Variants in NDUFAF7 observed in about 807,000 individuals in gnomAD.
The protein encoded by NDUFAF7 is NADH:ubiquinone oxidoreductase complex assembly factor 7, also known as protein arginine methyltransferase NDUFAF7, mitochondrial.
A neutral mutation model predicts 47.2 loss-of-function variants in NDUFAF7; 48 were observed. That is an observed-to-expected ratio of 1.02 (90% CI 0.81 to 1.29). NDUFAF7 has a LOEUF of 1.29. Ranked by LOEUF, NDUFAF7 falls within the 50% of genes most tolerant of loss-of-function variation. The pLI, the probability that NDUFAF7 is intolerant of heterozygous loss-of-function variation, is 0.00. For missense variants in NDUFAF7, 635 were observed against 537.6 expected (o/e 1.18, Z -1.79); for synonymous variants, 217 against 190.0 (o/e 1.14, Z -1.17).
chr2:37,259,771 A>T, the NDUFAF7 span: 1 of 870,252 alleles, frequency 1.1e-6, no homozygotes, highest in Non-Finnish European at 1.8e-6. Flanking sequence ...TGAAAACTCC[A>T]CTATAGTTCA....
At chr2:37,259,983 G>A in the NDUFAF7 span, among the ~76,000 whole-genome samples, 1 of 152,032 alleles carries the variant, frequency 6.6e-6, no homozygotes, top group Non-Finnish European at 1.5e-5. Flanking sequence ...TGGCCAACAC[G>A]GTGAAACCCC....
chr2:37,236,597 A>C lies in NDUFAF7; in HGVS notation c.297+421A>C, dbSNP rs575267823. 1.7e-3 allele frequency among the ~76,000 whole-genome samples: 266 copies of C among 152,132 alleles called. 3 individuals are homozygous for C. Among genetic ancestry groups the C allele is most frequent in the Non-Finnish European group, 4.0e-4 (27 of 67,986 alleles). ...CAAGACCGTCCTGGCTAACACGGTGAAACGCAGTCTCTACTAAAAAAAAAA... is the reference window on the plus strand; with the variant it reads ...CAAGACCGTCCTGGCTAACACGGTGCAACGCAGTCTCTACTAAAAAAAAAA... On this transcript the variant is annotated intron_variant, in intron 3 of 9. Coordinates refer to ENST00000002125, the MANE Select transcript of NDUFAF7 (RefSeq NM_144736.5).
chr2:37,232,717 T>G (rs1463006518), intron 2 of NDUFAF7, among the ~76,000 whole-genome samples: 1 of 152,188 alleles, frequency 6.6e-6, no homozygotes. Flanking sequence ...TGTGTTGGAA[T>G]GGCTTCAGCT....
At chr2:37,245,719 G>A (rs1226247569) in intron 7 of NDUFAF7, among the ~76,000 whole-genome samples, 1 of 152,138 alleles carries the variant, frequency 6.6e-6, no homozygotes, top group Admixed American at 6.6e-5. Context: ...TTTCAACCTA[G>A]AGGAATGTGT....
At chr2:37,242,284 G>T in intron 5 of NDUFAF7, 1 of 272,516 alleles carries the variant, frequency 3.7e-6, no homozygotes, top group Non-Finnish European at 7.0e-6. Flanking sequence ...CTTGGGTAAG[G>T]GATCTCAAGC....
chr2:37,232,359 C>G (rs559100491), intron 2 of NDUFAF7, 93 bp downstream of exon 2: 4 of 1,522,596 alleles, frequency 2.6e-6, no homozygotes, highest in Non-Finnish European at 3.6e-6. Flanking sequence ...TCAGCCCAGG[C>G]AGTGGGGGTG....
At chr2:37,264,353 G>A in the NDUFAF7 span, among the ~76,000 whole-genome samples, 1 of 152,032 alleles carries the variant, frequency 6.6e-6, no homozygotes, top group Admixed American at 6.6e-5. Context: ...TACTATGTGG[G>A]TATTCTGGAT....
chr2:37,252,862 T>TATATATATATATATAA (rs1388368527), downstream of NDUFAF7: 1 of 148,792 alleles, frequency 6.7e-6, no homozygotes, highest in Non-Finnish European at 1.5e-5. Flanking sequence ...TATATATATA[T>TATATATATATATATAA]AAAGAGAAAT....
At chr2:37,245,714 A>G (rs1217606685) in intron 7 of NDUFAF7, among the ~76,000 whole-genome samples, 1 of 152,132 alleles carries the variant, frequency 6.6e-6, no homozygotes, top group African/African-American at 2.4e-5. Flanking sequence ...CATGCTTTCA[A>G]CCTAGAGGAA....
the NDUFAF7 span, chr2:37,269,720 T>A: frequency 7.7e-6 from 11 of 1,424,120 alleles, no homozygotes; most frequent in South Asian, 2.3e-5. Flanking sequence ...TAGTATTATT[T>A]ATTTCTATAA....
intron 4 of NDUFAF7, among the ~76,000 whole-genome samples, chr2:37,240,943 A>G (rs1281405743): frequency 6.6e-6 from 1 of 152,236 alleles, no homozygotes; most frequent in African/African-American, 2.4e-5. Context: ...TCTCAAAAGT[A>G]TTAATTGGAG....
chr2:37,268,238 A>T, the NDUFAF7 span: 7 of 457,054 alleles, frequency 1.5e-5, no homozygotes, highest in Non-Finnish European at 3.2e-5. Flanking sequence ...CAATGGCACA[A>T]TCGTAAGTCT....
downstream of NDUFAF7, chr2:37,251,664 C>CT (rs2148461366): frequency 6.6e-6 from 1 of 151,566 alleles, no homozygotes; most frequent in African/African-American, 2.4e-5. Flanking sequence ...ATAGTTAACA[C>CT]TTTCCTAGTT....
chr2:37,267,094 A>G, the NDUFAF7 span, among the ~76,000 whole-genome samples: 1 of 152,214 alleles, frequency 6.6e-6, no homozygotes, highest in Non-Finnish European at 1.5e-5. Context: ...TTTTAAAGCA[A>G]TCTTTACTTG....
At chr2:37,265,057 AAAGAAAAGCT>A in the NDUFAF7 span, among the ~76,000 whole-genome samples, 1 of 152,190 alleles carries the variant, frequency 6.6e-6, no homozygotes, top group African/African-American at 2.4e-5. Flanking sequence ...TGGGCATGGG[AAAGAAAAGCT>A]ATGGACGCCT....
At chr2:37,260,054 A>G in the NDUFAF7 span, among the ~76,000 whole-genome samples, 2 of 152,108 alleles carry the variant, frequency 1.3e-5, no homozygotes, top group African/African-American at 4.8e-5. Context: ...AATCCTAGAT[A>G]CTTGGGAGGC....
At position 37,247,611 on chromosome 2, in the gene NDUFAF7, T is replaced by C; in HGVS notation, c.1092T>C (p.Gly364=). The change falls in exon 9 of 10, where the codon GGT becomes GGC. Residue 364 remains glycine, a synonymous_variant. Coordinates refer to ENST00000002125, the MANE Select transcript of NDUFAF7 (RefSeq NM_144736.5). Reference sequence around the variant, plus strand: ...AACACACATTTTTAAAAAATATGGGTATTGATGTCCGGCTGAAGGTAAGGT... The same window carrying C: ...AACACACATTTTTAAAAAATATGGGCATTGATGTCCGGCTGAAGGTAAGGT... The part of the protein sequence containing the change: ...IKQHTFLKNM[G]IDVRLKVLLD... The C allele has an allele frequency of 1.2e-6, 2 of 1,613,966 alleles. No homozygotes were observed. The highest frequency in any genetic ancestry group is 4.5e-5 in the East Asian group (2 of 44,872).
At chr2:37,242,192 G>C (rs1666421585) in intron 5 of NDUFAF7, 1 of 253,942 alleles carries the variant, frequency 3.9e-6, no homozygotes, top group African/African-American at 2.3e-5. Context: ...AAGGTGTGGG[G>C]GAAAATCCCT....
At chr2:37,237,296 T>G (rs929701935) in intron 3 of NDUFAF7, among the ~76,000 whole-genome samples, 11 of 152,360 alleles carry the variant, frequency 7.2e-5, no homozygotes, top group East Asian at 5.8e-4. Context: ...AACAGAATTC[T>G]AATTCATTTC....
Sources: gnomAD v4.1 joint callset for allele counts (sites outside exome capture counted in the v4.1 genomes callset) on GRCh38, gnomAD v4.1.1 for gene constraint, MANE v1.5 for transcripts, NCBI Gene and HGNC (gene_info 2026-07-23, HGNC 2026-07-21) for gene names.